LCOR: variants seen among roughly 807,000 people sequenced by gnomAD.
The protein encoded by LCOR is ligand dependent nuclear receptor corepressor.
A neutral mutation model predicts 64.4 loss-of-function variants in LCOR; 14 were observed. The ratio of observed to expected loss-of-function variants is 0.22; its 90% CI spans 0.14 to 0.34. LCOR has a LOEUF of 0.34. Ranked by LOEUF, LCOR falls within the 10% of genes least tolerant of loss-of-function variation. LCOR has a pLI of 1.00. For synonymous variants in LCOR, 643 were observed against 642.5 expected, an observed-to-expected ratio of 1.00 and a Z score of -0.01; for missense variants, 1,686 against 1,765.3, an observed-to-expected ratio of 0.96 and a Z score of 0.80.
chr10:96,892,224 T>G (rs1846457958), intron 2 of LCOR, among the ~76,000 whole-genome samples: 1 of 152,216 alleles, frequency 6.6e-6, no homozygotes, highest in South Asian at 2.1e-4. Flanking sequence ...TTGAGCCATT[T>G]CTTCCTTCAA....
intron 4 of LCOR, among the ~76,000 whole-genome samples, chr10:96,920,422 T>G (rs77034246): frequency 4.2e-5 from 5 of 118,430 alleles, no homozygotes; most frequent in Admixed American, 4.0e-4. Context: ...GTATATATAT[T>G]CATATATATG....
At chr10:96,898,157 G>A (rs1213207390) in intron 2 of LCOR, among the ~76,000 whole-genome samples, 1 of 152,120 alleles carries the variant, frequency 6.6e-6, no homozygotes, top group African/African-American at 2.4e-5. Context: ...ACCAAAAAAA[G>A]GTATATAAAT....
intron 2 of LCOR, among the ~76,000 whole-genome samples, chr10:96,863,543 A>G (rs1241838928): frequency 6.6e-6 from 1 of 152,116 alleles, no homozygotes; most frequent in Non-Finnish European, 1.5e-5. Context: ...TTCAGAATTC[A>G]TTTTCTGGGA....
In LCOR at chr10:96,944,162, C is replaced by G; in HGVS notation, c.-134C>G. The G allele has an allele frequency of 1.0e-6, 1 of 985,580 alleles. No individual in the cohort carries two copies. Among genetic ancestry groups the G allele is most frequent in the Non-Finnish European group, 1.2e-6 (1 of 829,802 alleles). 61.1% of individuals were successfully genotyped at this position (985,580 alleles called of 1,614,324 possible). On this transcript the variant is annotated 5_prime_UTR_variant, in exon 5 of 8. Transcript: ENST00000421806. ...CCAGCTTCGGGAGCTGGGCAAGAAG[C>G]TCTGCTTAAACAAGAGCAAGCAAAA...
chr10:96,880,550 AC>A (rs781608429), intron 2 of LCOR, among the ~76,000 whole-genome samples: 2 of 152,136 alleles, frequency 1.3e-5, no homozygotes, highest in Non-Finnish European at 2.9e-5. Flanking sequence ...GGCACATGCC[AC>A]CATGCCTGGC....
At chr10:96,890,664 T>G (rs998561038) in intron 2 of LCOR, among the ~76,000 whole-genome samples, 1 of 152,160 alleles carries the variant, frequency 6.6e-6, no homozygotes, top group African/African-American at 2.4e-5. Context: ...GCTTTCAGTA[T>G]TTTGCTATTG....
chr10:96,906,338 CCTT>C (rs1846727629), intron 2 of LCOR, among the ~76,000 whole-genome samples: 3 of 152,160 alleles, frequency 2.0e-5, no homozygotes, highest in Admixed American at 2.0e-4. Flanking sequence ...TTCATAGACT[CCTT>C]GTTTGTAATA....
Position 96,992,587 on chromosome 10 carries a change from C to G in LCOR, c.*7453C>G, listed in dbSNP as rs950963857. 1.3e-5 allele frequency: 2 copies of G among 152,264 alleles called. No homozygotes were observed. Among genetic ancestry groups the G allele is most frequent in the African/African-American group, 4.8e-5 (2 of 41,470 alleles). The allele number at this position is 152,264 out of a possible 1,614,324, so 9.4% of individuals were successfully genotyped here. The stretch of plus-strand genomic sequence containing the variant: ...GGCATGGCATCGGGTGTGCCCCATG[C>G]AGCCTACTTCTTGCATGCACAGTTG... On this transcript the variant is annotated 3_prime_UTR_variant, in exon 8 of 8. Transcript: ENST00000421806.
chr10:96,901,247 G>A (rs1589643414), intron 2 of LCOR, among the ~76,000 whole-genome samples: 1 of 152,048 alleles, frequency 6.6e-6, no homozygotes, highest in East Asian at 1.9e-4. Context: ...TCAAACCCCT[G>A]GACTCAAGCA....
chr10:96,981,351 A>G lies in LCOR; in HGVS notation c.891A>G (p.Gln297=). The G allele has an allele frequency of 1.9e-6, 3 of 1,613,788 alleles. No homozygotes were observed. The highest frequency in any genetic ancestry group is 1.7e-6 in the Non-Finnish European group (2 of 1,179,876). The change falls in exon 8 of 8, where the codon CAA becomes CAG. Residue 297 remains glutamine, a synonymous_variant. Transcript: ENST00000421806. Reference sequence around the variant, plus strand: ...AGGGGCAGACCACTGGACAAGAGCAAGACACAAATGTGAACATATGTGAGG... The same window carrying G: ...AGGGGCAGACCACTGGACAAGAGCAGGACACAAATGTGAACATATGTGAGG... ...ILEGQTTGQE[Q]DTNVNICEDG... is the part of the protein sequence containing the mutation.
At chr10:96,914,435 G>A (rs1387059812) in intron 4 of LCOR, among the ~76,000 whole-genome samples, 3 of 152,208 alleles carry the variant, frequency 2.0e-5, no homozygotes, top group African/African-American at 7.2e-5. Context: ...GACCTCAGGT[G>A]ATGCGCCTGC....
At position 96,981,389 on chromosome 10, in the gene LCOR, A is replaced by G; in HGVS notation, c.929A>G (p.His310Arg). The G allele has an allele frequency of 6.2e-7, 1 of 1,614,198 alleles. No homozygotes were observed. The highest frequency in any genetic ancestry group is 8.5e-7 in the Non-Finnish European group (1 of 1,180,046). The change falls in exon 8 of 8, where the codon CAT becomes CGT. Residue 310 changes from histidine to arginine, a missense_variant. Physicochemically the swap from His to Arg is conservative, Grantham distance 29. Transcript: ENST00000421806. ...NVNICEDGKD[H>R]MQSSALVESL... is the part of the protein sequence containing the mutation. ...AACATATGTGAGGATGGTAAAGACC[A>G]TATGCAGAGTTCAGCTTTAGTAGAA... is the stretch of plus-strand genomic sequence containing the variant.
At chr10:96,883,977 A>G (rs1480129463) in intron 2 of LCOR, among the ~76,000 whole-genome samples, 1 of 152,224 alleles carries the variant, frequency 6.6e-6, no homozygotes, top group East Asian at 1.9e-4. Context: ...TCACAGATAC[A>G]ATAATATATG....
intron 7 of LCOR, chr10:96,956,089 T>C (rs1847768224): frequency 7.0e-7 from 1 of 1,429,640 alleles, no homozygotes; most frequent in Non-Finnish European, 9.1e-7. Context: ...GAATGTTGCA[T>C]ATTTTAAATT....
intron 2 of LCOR, among the ~76,000 whole-genome samples, chr10:96,876,053 C>T (rs1008453849): frequency 6.9e-6 from 1 of 144,836 alleles, no homozygotes; most frequent in Non-Finnish European, 1.5e-5. Flanking sequence ...GCAACATAGA[C>T]AATTTTTTCC....
In LCOR at chr10:96,982,309, G is replaced by C; in HGVS notation, c.1849G>C (p.Val617Leu). 1 of 1,614,220 alleles carries C rather than the reference G, an allele frequency of 6.2e-7. No homozygotes were observed. The highest frequency in any genetic ancestry group is 8.5e-7 in the Non-Finnish European group (1 of 1,180,046). ...AGAGGAAACGACAGCCTCCAGCCTG[G>C]TGTGGCCTCTCCCTGCTCACCTTCC... ...RSEETTASSL[V>L]WPLPAHLPEE... The change falls in exon 8 of 8, where the codon GTG becomes CTG. Residue 617 changes from valine to leucine, a missense_variant. Around this residue, in one of 3 missense-constraint regions of LCOR, gnomAD observed 1,293 missense variants for 1,410.4 expected, o/e 0.92. Coordinates refer to ENST00000421806, the MANE Select transcript of LCOR (RefSeq NM_001346516.2).
chr10:96,952,265 C>T (rs1329770210), intron 7 of LCOR, 69 bp downstream of exon 7: 1 of 1,031,800 alleles, frequency 9.7e-7, no homozygotes, highest in African/African-American at 1.6e-5. Context: ...ATGCCAGTCT[C>T]CCTTTTACAT....
Position 96,992,029 on chromosome 10 carries a change from T to A in LCOR, c.*6895T>A, listed in dbSNP as rs149764319. 7.2e-5 allele frequency: 11 copies of A among 152,356 alleles called. No individual in the cohort carries two copies. The highest frequency in any genetic ancestry group is 2.6e-4 in the African/African-American group (11 of 41,578). The allele number at this position is 152,356 out of a possible 1,614,324, so 9.4% of individuals were successfully genotyped here. A position where few individuals can be genotyped will look rare whatever the true frequency, so the allele number is the denominator to read the frequency against. On this transcript the variant is annotated 3_prime_UTR_variant, in exon 8 of 8. Coordinates refer to ENST00000421806, the MANE Select transcript of LCOR (RefSeq NM_001346516.2). ...GTTTTCTGTGATCTGCACCTCATAG[T>A]TGTCTTGTAGCTAAAGCTGAGGTAT... is the stretch of plus-strand genomic sequence containing the variant.
At chr10:96,972,596 G>A (rs953266164) in intron 7 of LCOR, among the ~76,000 whole-genome samples, 17 of 152,240 alleles carry the variant, frequency 1.1e-4, no homozygotes, top group Non-Finnish European at 2.4e-4. Context: ...CTTCTTGATA[G>A]TTATATTTTT....
Sources: allele counts gnomAD v4.1 joint callset (sites outside exome capture counted in the v4.1 genomes callset), GRCh38; gene constraint gnomAD v4.1.1; regional missense constraint gnomAD v4.1.1; transcripts MANE v1.5; gene names NCBI Gene and HGNC (gene_info 2026-07-23, HGNC 2026-07-21).